MIA2: variants seen among roughly 807,000 people sequenced by gnomAD.
MIA2 encodes melanoma inhibitory activity protein 2.
Under a neutral mutation model 167.8 loss-of-function variants are expected in MIA2, and 127 were observed. The ratio of observed to expected loss-of-function variants is 0.76; its 90% CI spans 0.66 to 0.88. MIA2 has a LOEUF of 0.88. MIA2 is among the 40% of genes least tolerant of loss of function. The pLI is 0.00. For synonymous variants in MIA2, 552 were observed against 541.9 expected (o/e 1.02, Z -0.26); for missense variants, 1,690 against 1,624.7 (o/e 1.04, Z -0.69).
At chr14:39,283,787 G>T (rs949609884) in intron 9 of MIA2, among the ~76,000 whole-genome samples, 2 of 152,092 alleles carry the variant, frequency 1.3e-5, no homozygotes, top group Admixed American at 1.3e-4. Context: ...ATACCTGTTG[G>T]CCATTTTTAT....
intron 23 of MIA2, among the ~76,000 whole-genome samples, chr14:39,362,588 C>G (rs1321694468): frequency 6.6e-6 from 1 of 151,852 alleles, no homozygotes; most frequent in African/African-American, 2.4e-5. Context: ...CTTGGTTAGT[C>G]TAGCTAGTAG....
intron 6 of MIA2, chr14:39,265,412 A>G (rs778464884): frequency 1.9e-6 from 3 of 1,611,116 alleles, no homozygotes; most frequent in Admixed American, 1.7e-5. Context: ...TGAAAAGTCC[A>G]GAGGAAGAGG....
At chr14:39,385,957 C>T in intron 23 of MIA2, 1 of 818,048 alleles carries the variant, frequency 1.2e-6, no homozygotes, top group South Asian at 1.5e-5. Flanking sequence ...GAGAGGAGGA[C>T]CAGGAGCCTG....
At chr14:39,371,168 C>T (rs958538971) in intron 23 of MIA2, among the ~76,000 whole-genome samples, 3 of 151,770 alleles carry the variant, frequency 2.0e-5, no homozygotes, top group Admixed American at 6.6e-5. Context: ...TGAGCACTTA[C>T]GCTGTTTTCA....
At chr14:39,286,154 C>T (rs896927417) in intron 9 of MIA2, among the ~76,000 whole-genome samples, 7 of 152,348 alleles carry the variant, frequency 4.6e-5, no homozygotes, top group African/African-American at 9.6e-5. Flanking sequence ...GCCTGGGCAA[C>T]GTTGAGCACT....
At chr14:39,285,768 G>C (rs1348301899) in intron 9 of MIA2, among the ~76,000 whole-genome samples, 1 of 144,206 alleles carries the variant, frequency 6.9e-6, no homozygotes, top group African/African-American at 2.6e-5. Flanking sequence ...TCTCAGACGG[G>C]GCGGCTGCCG....
At chr14:39,385,964 C>T in intron 23 of MIA2, 1 of 819,168 alleles carries the variant, frequency 1.2e-6, no homozygotes, top group Non-Finnish European at 2.1e-6. Context: ...GGACCAGGAG[C>T]CTGTCCGCCA....
intron 25 of MIA2, among the ~76,000 whole-genome samples, chr14:39,328,645 A>C (rs2068089082): frequency 6.6e-6 from 1 of 152,142 alleles, no homozygotes; most frequent in African/African-American, 2.4e-5. Flanking sequence ...TTTTTGTATA[A>C]GGTGCAGGGA....
intron 6 of MIA2, among the ~76,000 whole-genome samples, chr14:39,259,859 C>A (rs1310276266): frequency 6.6e-6 from 1 of 151,966 alleles, no homozygotes; most frequent in African/African-American, 2.4e-5. Flanking sequence ...CCTCTCCTAT[C>A]CCCCCGCCAA....
intron 6 of MIA2, among the ~76,000 whole-genome samples, chr14:39,254,301 T>C (rs899392066): frequency 6.6e-6 from 1 of 152,174 alleles, no homozygotes; most frequent in Non-Finnish European, 1.5e-5. Flanking sequence ...TGAGTTTGAT[T>C]GAACATAGGC....
intron 3 of MIA2, 124 bp from the exon 4 acceptor site, chr14:39,246,787 T>C (rs1374348150): frequency 2.0e-6 from 1 of 508,988 alleles, no homozygotes; most frequent in African/African-American, 2.0e-5. Flanking sequence ...TTTGAGTTTT[T>C]GCTCTGCTGT....
chr14:39,353,088 TAGTG>T (rs1239928662), downstream of MIA2, among the ~76,000 whole-genome samples: 1 of 152,136 alleles, frequency 6.6e-6, no homozygotes, highest in Non-Finnish European at 1.5e-5. Flanking sequence ...TTTTACGTAT[TAGTG>T]AGGTACATGT....
At chr14:39,274,931 C>T (rs1287247314) in intron 6 of MIA2, among the ~76,000 whole-genome samples, 13 of 150,092 alleles carry the variant, frequency 8.7e-5, no homozygotes, top group South Asian at 8.5e-4. Context: ...AAAAACTAGC[C>T]GGGCATGGTG....
intron 23 of MIA2, among the ~76,000 whole-genome samples, chr14:39,356,520 AT>A (rs1363436310): frequency 8.6e-5 from 13 of 151,930 alleles, no homozygotes; most frequent in African/African-American, 2.2e-4. Context: ...GGATTCACTG[AT>A]TTTTTTGAAG....
intron 6 of MIA2, chr14:39,265,978 T>A: frequency 1.0e-6 from 1 of 985,430 alleles, no homozygotes; most frequent in Non-Finnish European, 1.2e-6. Flanking sequence ...AAAGGAGAAA[T>A]AGCAATCTTG....
chr14:39,383,604 G>C (rs958277144), intron 23 of MIA2, among the ~76,000 whole-genome samples: 1 of 152,192 alleles, frequency 6.6e-6, no homozygotes, highest in South Asian at 2.1e-4. Flanking sequence ...CATGAGGAAG[G>C]CATGTTGAAA....
At chr14:39,335,049 G>A (rs2070023709) in intron 25 of MIA2, among the ~76,000 whole-genome samples, 1 of 151,978 alleles carries the variant, frequency 6.6e-6, no homozygotes, top group South Asian at 2.1e-4. Flanking sequence ...CAGGAGTTCT[G>A]GAGCAAGCTG....
At chr14:39,260,719 T>C (rs574540950) in intron 6 of MIA2, among the ~76,000 whole-genome samples, 23 of 152,290 alleles carry the variant, frequency 1.5e-4, no homozygotes, top group Non-Finnish European at 1.9e-4. Flanking sequence ...TAATTAGATC[T>C]CATTTGTCAA....
intron 3 of MIA2, among the ~76,000 whole-genome samples, chr14:39,244,912 G>A (rs527441292): frequency 1.3e-5 from 2 of 151,992 alleles, no homozygotes; most frequent in Admixed American, 1.3e-4. Flanking sequence ...AGAGTAGCTG[G>A]GACTACAGCG....
Sources: gnomAD v4.1 joint callset for allele counts (sites outside exome capture counted in the v4.1 genomes callset) on GRCh38, gnomAD v4.1.1 for gene constraint, MANE v1.5 for transcripts, NCBI Gene and HGNC (gene_info 2026-07-23, HGNC 2026-07-21) for gene names.